APC: variants seen among roughly 807,000 people sequenced by gnomAD.
APC encodes adenomatous polyposis coli protein.
APC carries 72 observed loss-of-function variants against 247.0 expected under a neutral mutation model. The ratio of observed to expected loss-of-function variants is 0.29; its 90% CI spans 0.24 to 0.35. The LOEUF (loss-of-function observed/expected upper bound fraction) is 0.35, where lower values mean the gene tolerates loss of function less well. Ranked by LOEUF, APC falls within the 10% of genes least tolerant of loss-of-function variation. APC has a pLI of 1.00. For missense variants in APC, 3,400 were observed against 3,360.7 expected (o/e 1.01, Z -0.29); for synonymous variants, 1,254 against 1,162.5 (o/e 1.08, Z -1.60).
chr5:112,820,819 AC>A (rs1178197791), intron 10 of APC, among the ~76,000 whole-genome samples: 1 of 152,082 alleles, frequency 6.6e-6, no homozygotes, highest in Non-Finnish European at 1.5e-5. Flanking sequence ...TATCTGTGTA[AC>A]TTTTTGTATT....
At chr5:112,738,325 A>G (rs1177677658) in intron 1 of APC, 2 of 985,400 alleles carry the variant, frequency 2.0e-6, no homozygotes, top group Non-Finnish European at 2.4e-6. Context: ...ACCCCATTGA[A>G]AGGCTTCTTT....
At chr5:112,747,639 CAAAAT>C (rs910730604) in intron 1 of APC, among the ~76,000 whole-genome samples, 9 of 151,978 alleles carry the variant, frequency 5.9e-5, no homozygotes, top group Admixed American at 2.6e-4. Flanking sequence ...ATAGTAAAAA[CAAAAT>C]AAAGATGGGA....
At chr5:112,759,722 G>A (rs1018008339) in intron 2 of APC, among the ~76,000 whole-genome samples, 1 of 152,254 alleles carries the variant, frequency 6.6e-6, no homozygotes, top group East Asian at 1.9e-4. Context: ...ATTATATAGT[G>A]TAATTAATCT....
chr5:112,749,138 C>G (rs79755194), intron 1 of APC, among the ~76,000 whole-genome samples: 2,477 of 152,236 alleles, frequency 0.016, 42 homozygotes, highest in Non-Finnish European at 0.021. Context: ...ACTCGCATTC[C>G]TGGAATAAAC....
intron 12 of APC, 108 bp downstream of exon 12, chr5:112,827,355 CAAT>C (rs1447818099): frequency 8.1e-7 from 1 of 1,235,650 alleles, no homozygotes; most frequent in East Asian, 2.4e-5. Flanking sequence ...CCTCATTAAA[CAAT>C]GACTGATAAA....
chr5:112,820,263 AGAG>A (rs1277028867), intron 10 of APC, among the ~76,000 whole-genome samples: 1 of 152,078 alleles, frequency 6.6e-6, no homozygotes, highest in African/African-American at 2.4e-5. Context: ...ATTGATGTGA[AGAG>A]GAGATGATAC....
At position 112,844,170 on chromosome 5, in the gene APC, A is replaced by G. The variant is rs768518021; in HGVS notation, c.*44A>G. ...CTAAGAAAATTCTATGTTAATTACA[A>G]CTGCTATATAGACATTTTGTTTCAA... is the stretch of plus-strand genomic sequence containing the variant. On this transcript the variant is annotated 3_prime_UTR_variant, in exon 16 of 16. Coordinates refer to ENST00000257430, the MANE Select transcript of APC (RefSeq NM_000038.6). 2.6e-6 allele frequency: 4 copies of G among 1,513,068 alleles called. No homozygotes were observed. Among genetic ancestry groups the G allele is most frequent in the South Asian group, 1.2e-5 (1 of 86,842 alleles). 93.7% of individuals were successfully genotyped at this position (1,513,068 alleles called of 1,614,324 possible).
chr5:112,768,797 C>T (rs1168206186), intron 4 of APC, among the ~76,000 whole-genome samples: 3 of 151,550 alleles, frequency 2.0e-5, no homozygotes, highest in Non-Finnish European at 4.4e-5. Context: ...TGTACAGTAG[C>T]GTAGAACACA....
chr5:112,754,699 C>T (rs1168450679), intron 1 of APC, among the ~76,000 whole-genome samples, 174 bp from the exon 2 acceptor site: 1 of 152,160 alleles, frequency 6.6e-6, no homozygotes, highest in Non-Finnish European at 1.5e-5. Flanking sequence ...TCCACTGTTT[C>T]ATCCTCTTAG....
intron 15 of APC, among the ~76,000 whole-genome samples, chr5:112,836,058 T>TCTTG (rs1764866687): frequency 2.9e-5 from 4 of 136,796 alleles, no homozygotes; most frequent in African/African-American, 1.1e-4. Context: ...TCTTGCACTC[T>TCTTG]TGCCCGGGCT....
chr5:112,832,037 A>G (rs934674926), intron 14 of APC, among the ~76,000 whole-genome samples: 46 of 152,188 alleles, frequency 3.0e-4, no homozygotes, highest in African/African-American at 1.0e-3. Flanking sequence ...AGATTTGTAG[A>G]TTTATTTAAG....
At chr5:112,732,534 C>T (rs994414036) in intron 1 of APC, among the ~76,000 whole-genome samples, 1 of 152,174 alleles carries the variant, frequency 6.6e-6, no homozygotes, top group Non-Finnish European at 1.5e-5. Flanking sequence ...TTAACAATTG[C>T]TCTACTATTA....
chr5:112,836,063 C>T (rs1382112642), intron 15 of APC, among the ~76,000 whole-genome samples: 9 of 129,222 alleles, frequency 7.0e-5, no homozygotes, highest in Non-Finnish European at 1.2e-4. Context: ...CACTCTTGCC[C>T]GGGCTGGAGT....
intron 1 of APC, among the ~76,000 whole-genome samples, chr5:112,747,046 C>T (rs1446543487): frequency 6.6e-6 from 1 of 152,000 alleles, no homozygotes; most frequent in Non-Finnish European, 1.5e-5. Context: ...ACTGCATTAC[C>T]CAAGCTGGTC....
intron 1 of APC, among the ~76,000 whole-genome samples, chr5:112,713,947 C>G (rs556284767): frequency 1.3e-5 from 2 of 152,120 alleles, no homozygotes; most frequent in African/African-American, 4.8e-5. Context: ...CGTTAGCCAC[C>G]GTGCCGAGCC....
At chr5:112,787,878 A>G (rs1220115518) in intron 6 of APC, among the ~76,000 whole-genome samples, 2 of 152,132 alleles carry the variant, frequency 1.3e-5, no homozygotes, top group Non-Finnish European at 2.9e-5. Context: ...TGAGTTTGCT[A>G]TTATGTATGT....
At chr5:112,761,448 A>G (rs1166142889) in intron 2 of APC, among the ~76,000 whole-genome samples, 1 of 152,218 alleles carries the variant, frequency 6.6e-6, no homozygotes, top group African/African-American at 2.4e-5. Context: ...ATTAAAAGGA[A>G]TCAAATAGAT....
rs1765583281 is a variant in APC at position 112,839,615 on chromosome 5, A to G, written c.4021A>G (p.Ser1341Gly). 1 of 1,614,160 alleles carries G rather than the reference A, an allele frequency of 6.2e-7. No individual in the cohort carries two copies. Among genetic ancestry groups the G allele is most frequent in the South Asian group, 1.1e-5 (1 of 91,078 alleles). ...RTKSSRLQGS[S>G]LSSESARHKA... ...CAAATCCAGCAGACTGCAGGGTTCT[A>G]GTTTATCTTCAGAATCAGCCAGGCA... The change falls in exon 16 of 16, where the codon AGT becomes GGT. Residue 1341 changes from serine (S) to glycine (G), a missense_variant. Physicochemically the swap from Ser to Gly is moderately conservative, Grantham distance 56. This residue lies in a region of APC where 715 missense variants were observed against 656.6 expected (regional missense o/e 1.09). Coordinates refer to ENST00000257430, the MANE Select transcript of APC (RefSeq NM_000038.6). The surrounding 1 kb of genome is among the most constrained non-coding windows in gnomAD (Gnocchi z 5.0).
chr5:112,745,845 C>T (rs748976970), intron 1 of APC, among the ~76,000 whole-genome samples: 55 of 152,106 alleles, frequency 3.6e-4, no homozygotes, highest in African/African-American at 7.5e-4. Context: ...TGAGCCACCA[C>T]GCCAGCCTTT....
Sources: allele counts gnomAD v4.1 joint callset (sites outside exome capture counted in the v4.1 genomes callset), GRCh38; gene constraint gnomAD v4.1.1; regional missense constraint gnomAD v4.1.1; non-coding constraint Gnocchi (gnomAD v3.1); transcripts MANE v1.5; gene names NCBI Gene and HGNC (gene_info 2026-07-23, HGNC 2026-07-21).